Variants in SEC16B observed in about 807,000 individuals in gnomAD.
SEC16B encodes protein transport protein Sec16B.
In SEC16B, 115 loss-of-function variants were observed where a neutral mutation model predicts 141.8. The observed-to-expected ratio is 0.81, with a 90% CI of 0.70 to 0.95. The LOEUF is 0.95. SEC16B is among the 40% of genes least tolerant of loss of function. SEC16B has a pLI of 0.00. For synonymous variants in SEC16B, 493 were observed against 492.5 expected (o/e 1.00, Z -0.01); for missense variants, 1,291 against 1,312.3 (o/e 0.98, Z 0.25).
At chr1:177,978,522 T>G (rs998601549) in intron 1 of SEC16B, among the ~76,000 whole-genome samples, 1 of 151,964 alleles carries the variant, frequency 6.6e-6, no homozygotes, top group African/African-American at 2.4e-5. Context: ...CTGGTCAACA[T>G]AGTAAGACCC....
intron 16 of SEC16B, 29 bp downstream of exon 16, chr1:177,941,871 A>C (rs184025345): frequency 6.2e-7 from 1 of 1,606,966 alleles, no homozygotes; most frequent in Admixed American, 1.7e-5. Flanking sequence ...AAGATAAAAC[A>C]ACTGCACAGA....
chr1:177,964,216 C>T lies in SEC16B; in HGVS notation c.597G>A (p.Gly199=), dbSNP rs773838017. Residue 199 remains glycine, a synonymous_variant, in exon 5 of 26, where the codon GGG becomes GGA. Coordinates refer to ENST00000308284, the MANE Select transcript of SEC16B (RefSeq NM_033127.4). ...PASNSGQEWP[G]ELFPGSLLAE... is the part of the protein sequence containing the mutation. ...CAAGCAGGCTCCCTGGAAACAGCTC[C>T]CCCGGCCACTCCTGTCCAGAGTTGG... is the stretch of plus-strand genomic sequence containing the variant. 2.0e-5 allele frequency: 32 copies of T among 1,613,636 alleles called. No individual in the cohort carries two copies. The highest frequency in any genetic ancestry group is 8.3e-5 in the Admixed American group (5 of 59,992).
intron 2 of SEC16B, among the ~76,000 whole-genome samples, chr1:177,966,278 T>C (rs1234043411): frequency 6.6e-6 from 1 of 152,222 alleles, no homozygotes; most frequent in South Asian, 2.1e-4. Context: ...AAAACTCTTT[T>C]ATTTTGTAGT....
At chr1:177,940,783 T>C (rs1651218323) in intron 16 of SEC16B, 69 bp from the exon 17 acceptor site, 2 of 1,033,792 alleles carry the variant, frequency 1.9e-6, no homozygotes, top group African/African-American at 1.6e-5. Flanking sequence ...GGAAGAGAAA[T>C]GGAAAGACAA....
intron 1 of SEC16B, among the ~76,000 whole-genome samples, chr1:177,982,881 C>A (rs752810373): frequency 5.3e-5 from 8 of 152,142 alleles, no homozygotes; most frequent in Non-Finnish European, 8.8e-5. Context: ...AATCAATAAC[C>A]ATTTGAAAAC....
At chr1:177,930,045 G>T in intron 25 of SEC16B, 116 bp from the exon 26 acceptor site, 1 of 993,374 alleles carries the variant, frequency 1.0e-6, no homozygotes, top group Non-Finnish European at 1.5e-6. Context: ...CATTTCCCAA[G>T]GTTGTGTTCT....
upstream of SEC16B, among the ~76,000 whole-genome samples, chr1:177,972,597 T>G (rs1654003964): frequency 6.6e-6 from 1 of 152,192 alleles, no homozygotes; most frequent in South Asian, 2.1e-4. Flanking sequence ...ATCCCAACTA[T>G]GCACCAGGAT....
At chr1:177,964,636 C>T (rs1489508519) in intron 4 of SEC16B, among the ~76,000 whole-genome samples, 2 of 152,204 alleles carry the variant, frequency 1.3e-5, no homozygotes, top group Non-Finnish European at 2.9e-5. Context: ...CCTGTCTTGT[C>T]TTACCACAGG....
At chr1:177,957,837 A>T (rs1029643991) in intron 10 of SEC16B, among the ~76,000 whole-genome samples, 5 of 130,400 alleles carry the variant, frequency 3.8e-5, no homozygotes, top group African/African-American at 1.2e-4. Flanking sequence ...GCCTCTGATA[A>T]CCATCCTTCT....
rs192687068 is a variant in SEC16B at position 177,968,618 on chromosome 1, T to C, written c.-58-579A>G. On this transcript the variant is annotated intron_variant, in intron 1 of 25. Transcript: ENST00000308284. ...TTACCTAACATGTTAAAATGCTCAA[T>C]AAATAGCAGTGTTATCAAGGATAAA... Among the ~76,000 whole-genome samples, 28 of 152,284 alleles carry C rather than the reference T, an allele frequency of 1.8e-4. No individual in the cohort carries two copies. The East Asian group carries it at 4.6e-3, about 25-fold the overall frequency.
At position 177,933,217 on chromosome 1, in the gene SEC16B, A is replaced by T; in HGVS notation, c.2820T>A (p.Ser940=). The change falls in exon 22 of 26, where the codon TCT becomes TCA. Residue 940 remains serine (S), a synonymous_variant. Transcript: ENST00000308284. The part of the protein sequence containing the change: ...GDEDSSDSPD[S]EETPRASSPH... ...CTCCCCCTCCCACAGAGCCTACCTC[A>T]GAGTCAGGGCTGTCTGAGGAGTCCT... 6.3e-7 allele frequency: 1 copy of T among 1,577,172 alleles called. No individual in the cohort carries two copies. The highest frequency in any genetic ancestry group is 1.4e-5 in the African/African-American group (1 of 73,946).
intron 15 of SEC16B, among the ~76,000 whole-genome samples, chr1:177,942,376 A>G (rs1220169619): frequency 6.6e-6 from 1 of 152,210 alleles, no homozygotes. Context: ...CAGGCACAAG[A>G]CGGACATTAA....
In SEC16B at chr1:177,946,005, T is replaced by C. The variant is rs1373989862; in HGVS notation, c.1775+415A>G. 16 of 358,894 alleles carry C rather than the reference T, an allele frequency of 4.5e-5. No individual in the cohort carries two copies. The East Asian group carries it at 8.0e-4, about 18-fold the overall frequency. 22.2% of individuals were successfully genotyped at this position (358,894 alleles called of 1,614,324 possible). ...TAGGGCCCCAAAGAGGGACTAAACA[T>C]AAACTTCTTCCATTTTCCAGTTTTG... On this transcript the variant is annotated intron_variant, in intron 14 of 25. Coordinates refer to ENST00000308284, the MANE Select transcript of SEC16B (RefSeq NM_033127.4).
intron 1 of SEC16B, among the ~76,000 whole-genome samples, chr1:177,978,700 C>CAAATAGAT (rs376830509): frequency 7.3e-6 from 1 of 137,532 alleles, no homozygotes; most frequent in Non-Finnish European, 1.6e-5. Context: ...GACCCTGTCT[C>CAAATAGAT]AAATAAATAA....
intron 1 of SEC16B, among the ~76,000 whole-genome samples, chr1:177,983,096 C>T (rs749253812): frequency 6.6e-6 from 1 of 152,084 alleles, no homozygotes; most frequent in Non-Finnish European, 1.5e-5. Flanking sequence ...CACCTGTCCC[C>T]GAATTGGATG....
intron 9 of SEC16B, 60 bp downstream of exon 9, chr1:177,958,780 C>G: frequency 6.5e-7 from 1 of 1,544,368 alleles, no homozygotes; most frequent in East Asian, 2.3e-5. Context: ...ATAATCTTAT[C>G]TATCCCATGA....
intron 1 of SEC16B, among the ~76,000 whole-genome samples, chr1:177,975,540 A>G (rs1440185650): frequency 3.3e-5 from 5 of 152,186 alleles, no homozygotes; most frequent in African/African-American, 4.8e-5. Context: ...TTATCTGCAT[A>G]CTTTATGAAA....
intron 10 of SEC16B, among the ~76,000 whole-genome samples, chr1:177,954,646 T>C (rs1652458202): frequency 6.6e-6 from 1 of 152,210 alleles, no homozygotes; most frequent in Non-Finnish European, 1.5e-5. Context: ...GTTAGCCTCA[T>C]CTCTTTAGCA....
intron 1 of SEC16B, among the ~76,000 whole-genome samples, chr1:177,976,264 G>A (rs1654166437): frequency 2.0e-5 from 3 of 152,192 alleles, no homozygotes; most frequent in Non-Finnish European, 2.9e-5. Context: ...TAGGCTGGCA[G>A]AGGTGGCCCA....
Sources: gnomAD v4.1 joint callset for allele counts (sites outside exome capture counted in the v4.1 genomes callset) on GRCh38, gnomAD v4.1.1 for gene constraint, MANE v1.5 for transcripts, NCBI Gene and HGNC (gene_info 2026-07-23, HGNC 2026-07-21) for gene names.